The following NR1D2 variants were observed in gnomAD, a reference collection of about 807,000 sequenced individuals.
The protein encoded by NR1D2 is nuclear receptor subfamily 1 group D member 2, also known as V-erbA-related protein 1-related.
In NR1D2, 25 loss-of-function variants were observed where a neutral mutation model predicts 52.2. The observed-to-expected ratio is 0.48, with a 90% CI of 0.35 to 0.67. NR1D2 has a LOEUF of 0.67. NR1D2 is among the 30% of genes least tolerant of loss of function. NR1D2 has a pLI of 0.01. For missense variants in NR1D2, 681 were observed against 707.2 expected (o/e 0.96, Z 0.42); for synonymous variants, 259 against 230.1 (o/e 1.13, Z -1.14).
chr3:23,962,816 T>C (rs77901200), intron 5 of NR1D2, among the ~76,000 whole-genome samples: 2 of 152,284 alleles, frequency 1.3e-5, no homozygotes, highest in East Asian at 3.9e-4. Flanking sequence ...TACAAGCATG[T>C]GATTTGATTG....
intron 7 of NR1D2, among the ~76,000 whole-genome samples, chr3:23,975,011 G>A (rs745610965): frequency 9.2e-5 from 14 of 151,958 alleles, no homozygotes; most frequent in Non-Finnish European, 1.3e-4. Flanking sequence ...TAGAGACGAG[G>A]TTTCACCATG....
chr3:23,954,680 A>T lies in NR1D2; in HGVS notation c.160A>T (p.Asn54Tyr). The change falls in exon 2 of 8, where the codon AAT becomes TAT. Residue 54 changes from asparagine (N) to tyrosine (Y), a missense_variant. Coordinates refer to ENST00000312521, the MANE Select transcript of NR1D2 (RefSeq NM_005126.5). The part of the protein sequence containing the change: ...PNSSNSDTNG[N>Y]PKNGDLANIE... ...TAGCTCTAATTCTGATACCAATGGT[A>T]ATCCCAAGAATGGTGATCTCGCCAA... The T allele has an allele frequency of 6.2e-7, 1 of 1,614,176 alleles. No homozygotes were observed. The highest frequency in any genetic ancestry group is 8.5e-7 in the Non-Finnish European group (1 of 1,179,998).
chr3:23,961,099 A>AT (rs1049595724), intron 4 of NR1D2, among the ~76,000 whole-genome samples: 2 of 151,974 alleles, frequency 1.3e-5, no homozygotes, highest in East Asian at 1.9e-4. Context: ...TGATTGTGGA[A>AT]TTTTTTTTAA....
chr3:23,956,424 A>G (rs1447273604), intron 3 of NR1D2, among the ~76,000 whole-genome samples: 1 of 152,206 alleles, frequency 6.6e-6, no homozygotes, highest in Non-Finnish European at 1.5e-5. Flanking sequence ...TGTGTCAAGC[A>G]CAGTTCTAGG....
chr3:23,973,253 C>T (rs1575160576), intron 7 of NR1D2, among the ~76,000 whole-genome samples: 2 of 152,158 alleles, frequency 1.3e-5, no homozygotes, highest in South Asian at 4.1e-4. Flanking sequence ...CTGAGAAATG[C>T]ATTGTTAGGC....
rs746002238 is a variant in NR1D2 at position 23,954,732 on chromosome 3, G to A, written c.212G>A (p.Arg71Gln). The part of the protein sequence containing the change: ...ANIEGILKND[R>Q]IDCSMKTSKS... ...ATTGAAGGCATCTTGAAGAATGATC[G>A]AATAGATTGTTCTATGAAAACAAGC... The change falls in exon 2 of 8, where the codon CGA (arginine) becomes CAA (glutamine). Residue 71 changes from arginine to glutamine, a missense_variant. Coordinates refer to ENST00000312521, the MANE Select transcript of NR1D2 (RefSeq NM_005126.5). 2.5e-6 allele frequency: 4 copies of A among 1,613,764 alleles called. No homozygotes were observed. Among genetic ancestry groups the A allele is most frequent in the East Asian group, 2.2e-5 (1 of 44,896 alleles).
chr3:23,962,364 G>A lies in NR1D2; in HGVS notation c.905G>A (p.Gly302Asp), dbSNP rs777993119. The A allele has an allele frequency of 6.9e-5, 112 of 1,613,964 alleles. No homozygotes were observed. Among genetic ancestry groups the A allele is most frequent in the Non-Finnish European group, 8.9e-5 (105 of 1,179,980 alleles). The change falls in exon 5 of 8, where the codon GGC becomes GAC. Residue 302 changes from glycine to aspartate, a missense_variant. Physicochemically the swap from Gly to Asp is moderately conservative, Grantham distance 94 (BLOSUM62 -1). Coordinates refer to ENST00000312521, the MANE Select transcript of NR1D2 (RefSeq NM_005126.5). ...TATAATTTAAATCATGATCATTGCG[G>A]CAATGGGCTTAGCAGCCATTTTCCC... ...EQYNLNHDHC[G>D]NGLSSHFPCS...
rs140082159 is a variant in NR1D2 at position 23,975,877 on chromosome 3, G to T, written c.1544-1346G>T. ...TGTTTTAAGTGCTTTCATGGCAAAT[G>T]ACCTTTTTCAGCTATCACTTATAAT... On this transcript the variant is annotated intron_variant, in intron 7 of 7. Coordinates refer to ENST00000312521, the MANE Select transcript of NR1D2 (RefSeq NM_005126.5). 9.0e-3 allele frequency among the ~76,000 whole-genome samples: 1,376 copies of T among 152,192 alleles called. 71 individuals are homozygous for T. The highest frequency in any genetic ancestry group is 0.08 in the Admixed American group (1,221 of 15,288).
intron 3 of NR1D2, among the ~76,000 whole-genome samples, chr3:23,956,856 T>A (rs959823249): frequency 1.3e-5 from 2 of 152,220 alleles, no homozygotes; most frequent in Admixed American, 6.5e-5. Flanking sequence ...ATGTTCTTGC[T>A]GTTCTCTGAC....
chr3:23,965,338 C>T (rs1323943461), intron 6 of NR1D2, among the ~76,000 whole-genome samples, 176 bp downstream of exon 6: 3 of 141,562 alleles, frequency 2.1e-5, no homozygotes, highest in East Asian at 2.2e-4. Flanking sequence ...TTCCTGGGTT[C>T]AAGCATTCTC....
chr3:23,971,397 T>C (rs1157796060), intron 7 of NR1D2, among the ~76,000 whole-genome samples: 1 of 148,484 alleles, frequency 6.7e-6, no homozygotes, highest in Non-Finnish European at 1.5e-5. Context: ...GCCTCCCAAG[T>C]AGCTGGGATT....
intron 1 of NR1D2, among the ~76,000 whole-genome samples, chr3:23,947,287 A>C (rs1705760980): frequency 2.6e-5 from 4 of 152,170 alleles, no homozygotes; most frequent in Admixed American, 2.6e-4. Flanking sequence ...CTCTTCCAAT[A>C]CTTCGCTGAT....
chr3:23,976,774 T>G (rs555974587), intron 7 of NR1D2, among the ~76,000 whole-genome samples: 1 of 152,248 alleles, frequency 6.6e-6, no homozygotes, highest in Admixed American at 6.5e-5. Flanking sequence ...TGCGCAAGGG[T>G]GCGAATACCA....
intron 7 of NR1D2, among the ~76,000 whole-genome samples, chr3:23,971,900 A>G (rs934598665): frequency 6.6e-6 from 1 of 152,328 alleles, no homozygotes; most frequent in South Asian, 2.1e-4. Flanking sequence ...GTCAGCATTT[A>G]TGGTATTATG....
chr3:23,963,988 C>T (rs1024258223), intron 5 of NR1D2, among the ~76,000 whole-genome samples: 1 of 151,000 alleles, frequency 6.6e-6, no homozygotes, highest in African/African-American at 2.4e-5. Context: ...TTAGAAGACA[C>T]ACCTGTATCT....
intron 7 of NR1D2, among the ~76,000 whole-genome samples, chr3:23,970,656 A>C (rs1706561773): frequency 6.6e-6 from 1 of 152,240 alleles, no homozygotes; most frequent in Non-Finnish European, 1.5e-5. Context: ...AATACAGTGC[A>C]TTCTAATTTT....
chr3:23,948,313 G>A (rs1263291813), intron 1 of NR1D2, among the ~76,000 whole-genome samples: 1 of 152,082 alleles, frequency 6.6e-6, no homozygotes, highest in Non-Finnish European at 1.5e-5. Flanking sequence ...TGAGTAACAA[G>A]TGAAAACAGT....
At chr3:23,950,811 T>TTACG (rs1705905422) in intron 1 of NR1D2, among the ~76,000 whole-genome samples, 1 of 152,184 alleles carries the variant, frequency 6.6e-6, no homozygotes. Flanking sequence ...GGTTAATTAA[T>TTACG]TACGATACAG....
chr3:23,965,153 G>A lies in NR1D2; in HGVS notation c.1323G>A (p.Gly441=), dbSNP rs1168973538. ...ACCAGGTCAACCTTTTAAAGGCTGG[G>A]ACTTTTGAGGTAGGTTTTATTTATC... ...QHDQVNLLKA[G]TFEVLMVRFA... Residue 441 remains glycine (G), a synonymous_variant, in exon 6 of 8, where the codon GGG becomes GGA. Coordinates refer to ENST00000312521, the MANE Select transcript of NR1D2 (RefSeq NM_005126.5). 1.2e-6 allele frequency: 2 copies of A among 1,600,980 alleles called. No individual in the cohort carries two copies. The highest frequency in any genetic ancestry group is 4.5e-5 in the East Asian group (2 of 44,376).
Sources: allele counts gnomAD v4.1 joint callset (sites outside exome capture counted in the v4.1 genomes callset), GRCh38; gene constraint gnomAD v4.1.1; transcripts MANE v1.5; gene names NCBI Gene and HGNC (gene_info 2026-07-23, HGNC 2026-07-21).